The following GASK1A variants were observed in gnomAD, a reference collection of about 807,000 sequenced individuals.
GASK1A encodes golgi associated kinase 1A.
Under a neutral mutation model 41.2 loss-of-function variants are expected in GASK1A, and 40 were observed. The ratio of observed to expected loss-of-function variants is 0.97; its 90% CI spans 0.75 to 1.27. GASK1A has a LOEUF of 1.27. GASK1A is among the 50% of genes most tolerant of loss of function. The pLI, the probability that GASK1A is intolerant of heterozygous loss-of-function variation, is 0.00. For synonymous variants in GASK1A, 316 were observed against 307.1 expected, an observed-to-expected ratio of 1.03 and a Z score of -0.30; for missense variants, 678 against 745.1, an observed-to-expected ratio of 0.91 and a Z score of 1.05.
chr3:43,049,902 C>A (rs1297190443), intron 2 of GASK1A, among the ~76,000 whole-genome samples: 1 of 149,602 alleles, frequency 6.7e-6, no homozygotes, highest in East Asian at 2.0e-4. Flanking sequence ...TGTAAAAAGA[C>A]TTTCTTTCTA....
chr3:43,028,643 G>A (rs568277620), intron 1 of GASK1A, among the ~76,000 whole-genome samples: 1 of 152,302 alleles, frequency 6.6e-6, no homozygotes, highest in South Asian at 2.1e-4. Context: ...GGAATCCCCA[G>A]AGCAAGTTTA....
At chr3:43,018,541 C>T (rs1303715415) in intron 1 of GASK1A, among the ~76,000 whole-genome samples, 1 of 152,110 alleles carries the variant, frequency 6.6e-6, no homozygotes, top group Admixed American at 6.5e-5. Context: ...TATTAGTAAG[C>T]TGCTTCTGAT....
intron 1 of GASK1A, among the ~76,000 whole-genome samples, chr3:42,981,310 T>C (rs1008827146): frequency 2.6e-5 from 4 of 152,070 alleles, no homozygotes; most frequent in African/African-American, 7.2e-5. Flanking sequence ...GAATGAAGGG[T>C]CTTGAGGTCC....
At chr3:43,055,780 T>C (rs1022018106) in intron 4 of GASK1A, 3 of 513,852 alleles carry the variant, frequency 5.8e-6, no homozygotes, top group Non-Finnish European at 1.1e-5. Context: ...TGCTGGGGTG[T>C]GGGAAGGCTA....
At chr3:42,982,468 A>C (rs2089287253) in intron 1 of GASK1A, among the ~76,000 whole-genome samples, 1 of 152,212 alleles carries the variant, frequency 6.6e-6, no homozygotes, top group South Asian at 2.1e-4. Context: ...CCACACATGG[A>C]ATTTTGCAGT....
At chr3:43,049,694 AC>A (rs1174012960) in intron 2 of GASK1A, among the ~76,000 whole-genome samples, 2 of 103,304 alleles carry the variant, frequency 1.9e-5, no homozygotes, top group Non-Finnish European at 4.4e-5. Flanking sequence ...TCCATGTTTA[AC>A]TGTATAAAAC....
At chr3:43,017,991 T>C (rs977535499) in intron 1 of GASK1A, among the ~76,000 whole-genome samples, 1 of 151,634 alleles carries the variant, frequency 6.6e-6, no homozygotes, top group Non-Finnish European at 1.5e-5. Context: ...GTGAAGTCAC[T>C]GGAAGTGGCC....
At chr3:43,037,364 A>G (rs2089609614) in intron 2 of GASK1A, 1 of 945,264 alleles carries the variant, frequency 1.1e-6, no homozygotes, top group Non-Finnish European at 1.7e-6. Flanking sequence ...TGTGCAATAC[A>G]AATCCTCATT....
At chr3:43,007,620 T>C (rs983626930) in intron 1 of GASK1A, among the ~76,000 whole-genome samples, 7 of 152,252 alleles carry the variant, frequency 4.6e-5, no homozygotes, top group Non-Finnish European at 8.8e-5. Context: ...GCTCAGGCCA[T>C]TGCTACTCAT....
At chr3:43,037,272 C>T in intron 2 of GASK1A, 1 of 927,558 alleles carries the variant, frequency 1.1e-6, no homozygotes, top group Non-Finnish European at 1.8e-6. Flanking sequence ...CGAGGAGAAG[C>T]CAACTCCCCA....
intron 1 of GASK1A, among the ~76,000 whole-genome samples, chr3:43,013,782 A>G (rs550985932): frequency 5.9e-5 from 9 of 151,696 alleles, no homozygotes; most frequent in Admixed American, 4.6e-4. Flanking sequence ...GGCTACGTGA[A>G]GTCACAGGAA....
At chr3:43,018,125 A>G (rs2089503410) in intron 1 of GASK1A, among the ~76,000 whole-genome samples, 1 of 152,232 alleles carries the variant, frequency 6.6e-6, no homozygotes, top group African/African-American at 2.4e-5. Flanking sequence ...GCAAAATCCC[A>G]GATTTCTTCC....
At chr3:42,996,865 C>T (rs762247931) in intron 1 of GASK1A, among the ~76,000 whole-genome samples, 11 of 152,248 alleles carry the variant, frequency 7.2e-5, no homozygotes, top group Non-Finnish European at 1.5e-4. Flanking sequence ...TGTAGGTCAT[C>T]TACACTGAGC....
intron 1 of GASK1A, among the ~76,000 whole-genome samples, chr3:43,011,141 T>C (rs1276896313): frequency 6.6e-6 from 1 of 152,186 alleles, no homozygotes; most frequent in African/African-American, 2.4e-5. Flanking sequence ...CCCAACACTT[T>C]GGGAGGCCGA....
At chr3:43,053,805 C>A in intron 3 of GASK1A, 162 bp downstream of exon 3, 1 of 859,856 alleles carries the variant, frequency 1.2e-6, no homozygotes, top group Non-Finnish European at 1.9e-6. Context: ...TCCAGGAGTC[C>A]GCAATATATA....
intron 2 of GASK1A, among the ~76,000 whole-genome samples, chr3:43,045,307 C>T (rs1373892603): frequency 1.3e-5 from 2 of 152,048 alleles, no homozygotes; most frequent in African/African-American, 4.8e-5. Context: ...GCCTTCCACC[C>T]TTTGGCACAG....
At chr3:43,029,035 A>ACCCT (rs1326516869) in intron 1 of GASK1A, among the ~76,000 whole-genome samples, 1 of 152,110 alleles carries the variant, frequency 6.6e-6, no homozygotes, top group Non-Finnish European at 1.5e-5. Context: ...ATATTTTAGC[A>ACCCT]CGTGGGTGCC....
intron 2 of GASK1A, among the ~76,000 whole-genome samples, chr3:43,034,320 T>G (rs1196255414): frequency 6.6e-6 from 1 of 152,148 alleles, no homozygotes; most frequent in Non-Finnish European, 1.5e-5. Context: ...CTGGAGTTGC[T>G]GGATCGAGGG....
chr3:43,056,500 C>A lies in GASK1A; in HGVS notation c.*114C>A. ...AGAAGCCAGAGGGGCACAAGGATGTCACGGGATATTTCACCTGCCTGGGAT... is the reference window on the plus strand; with the variant it reads ...AGAAGCCAGAGGGGCACAAGGATGTAACGGGATATTTCACCTGCCTGGGAT... On this transcript the variant is annotated 3_prime_UTR_variant, in exon 5 of 5. Transcript: ENST00000430121. The A allele has an allele frequency of 1.1e-6, 1 of 937,562 alleles. No individual in the cohort carries two copies. The highest frequency in any genetic ancestry group is 1.6e-6 in the Non-Finnish European group (1 of 640,840). 58.1% of individuals were successfully genotyped at this position (937,562 alleles called of 1,614,324 possible). A position where few individuals can be genotyped will look rare whatever the true frequency, so the allele number is the denominator to read the frequency against.
Sources: gnomAD v4.1 joint callset for allele counts (sites outside exome capture counted in the v4.1 genomes callset) on GRCh38, gnomAD v4.1.1 for gene constraint, MANE v1.5 for transcripts, NCBI Gene and HGNC (gene_info 2026-07-23, HGNC 2026-07-21) for gene names.